The following TMEM132D variants were observed in gnomAD, a reference collection of about 807,000 sequenced individuals.
TMEM132D encodes the protein mature OL transmembrane protein.
A neutral mutation model predicts 62.3 loss-of-function variants in TMEM132D; 21 were observed. The ratio of observed to expected loss-of-function variants is 0.34; its 90% confidence interval spans 0.24 to 0.49. The LOEUF is 0.49. Ranked by LOEUF, TMEM132D falls within the 20% of genes least tolerant of loss-of-function variation. TMEM132D has a pLI of 0.99. For missense variants in TMEM132D, 1,346 were observed against 1,402.8 expected (o/e 0.96, Z 0.65); for synonymous variants, 621 against 575.6 (o/e 1.08, Z -1.13).
At chr12:129,227,293 G>A (rs530115436) in intron 4 of TMEM132D, among the ~76,000 whole-genome samples, 14 of 84,198 alleles carry the variant, frequency 1.7e-4, no homozygotes, top group East Asian at 5.5e-4. Context: ...TCTGTCCTGC[G>A]TTAGGAAATA....
chr12:129,086,192 ACGCG>A (rs72306602), intron 5 of TMEM132D, among the ~76,000 whole-genome samples: 4 of 130,186 alleles, frequency 3.1e-5, no homozygotes, highest in South Asian at 2.3e-4. Flanking sequence ...TCACATAGTC[ACGCG>A]CGCGCGTGTG....
intron 2 of TMEM132D, among the ~76,000 whole-genome samples, chr12:129,589,251 A>G (rs1280111112): frequency 1.3e-5 from 2 of 152,102 alleles, no homozygotes; most frequent in African/African-American, 2.4e-5. Flanking sequence ...TGATGGTTTT[A>G]TGAGGGGCTT....
At chr12:129,538,850 T>A (rs1224349274) in intron 2 of TMEM132D, among the ~76,000 whole-genome samples, 1 of 151,806 alleles carries the variant, frequency 6.6e-6, no homozygotes, top group Non-Finnish European at 1.5e-5. Flanking sequence ...GAAGGAGCGT[T>A]GGCTACTAGT....
chr12:129,169,970 T>C (rs1877674788), intron 5 of TMEM132D: 1 of 152,226 alleles, frequency 6.6e-6, no homozygotes, highest in Non-Finnish European at 1.5e-5. Flanking sequence ...ATGTTCTATT[T>C]CAACAAGATC....
intron 1 of TMEM132D, among the ~76,000 whole-genome samples, chr12:129,839,717 T>A (rs1566004144): frequency 6.6e-6 from 1 of 152,206 alleles, no homozygotes; most frequent in Non-Finnish European, 1.5e-5. Flanking sequence ...CTACAAACAC[T>A]GAACCAGTCC....
chr12:129,172,614 T>C (rs976825971), intron 5 of TMEM132D, among the ~76,000 whole-genome samples: 3 of 152,206 alleles, frequency 2.0e-5, no homozygotes, highest in Non-Finnish European at 4.4e-5. Flanking sequence ...GTTTCACTCT[T>C]GTTGCCCAGG....
At chr12:129,314,860 GTTAT>G (rs60812899) in intron 4 of TMEM132D, among the ~76,000 whole-genome samples, 117 of 151,862 alleles carry the variant, frequency 7.7e-4, no homozygotes, top group Non-Finnish European at 6.6e-4. Context: ...ATATTCCTAA[GTTAT>G]TTATTTATTT....
At chr12:129,414,399 C>T (rs1213588592) in intron 3 of TMEM132D, among the ~76,000 whole-genome samples, 2 of 152,132 alleles carry the variant, frequency 1.3e-5, no homozygotes, top group African/African-American at 4.8e-5. Flanking sequence ...TCACTCCTTC[C>T]TTTGCAACTA....
chr12:129,611,561 A>T (rs111238210), intron 2 of TMEM132D, among the ~76,000 whole-genome samples: 19 of 152,310 alleles, frequency 1.2e-4, no homozygotes, highest in African/African-American at 4.3e-4. Context: ...TTCACTTAGA[A>T]GTCCAATGGA....
At chr12:129,402,649 C>A (rs959698949) in intron 3 of TMEM132D, among the ~76,000 whole-genome samples, 7 of 152,226 alleles carry the variant, frequency 4.6e-5, no homozygotes, top group Admixed American at 3.3e-4. Flanking sequence ...GAGCTCACTG[C>A]AGCCTCAACC....
chr12:129,414,663 A>T (rs1485852083), intron 3 of TMEM132D, among the ~76,000 whole-genome samples: 1 of 152,200 alleles, frequency 6.6e-6, no homozygotes, highest in Non-Finnish European at 1.5e-5. Flanking sequence ...TGGTAAGAAC[A>T]CTTGAGATGT....
chr12:129,431,626 A>T (rs1043083573), intron 3 of TMEM132D, among the ~76,000 whole-genome samples: 1 of 152,154 alleles, frequency 6.6e-6, no homozygotes, highest in African/African-American at 2.4e-5. Context: ...CCGCCTGCTC[A>T]TGCTGCTTCT....
At chr12:129,716,217 C>G (rs1313942388) in intron 1 of TMEM132D, among the ~76,000 whole-genome samples, 1 of 152,086 alleles carries the variant, frequency 6.6e-6, no homozygotes, top group Non-Finnish European at 1.5e-5. Context: ...AGAGATGAAA[C>G]TTGGACAGAA....
intron 4 of TMEM132D, among the ~76,000 whole-genome samples, chr12:129,282,211 AC>A (rs1373164422): frequency 6.6e-6 from 1 of 152,098 alleles, no homozygotes; most frequent in Non-Finnish European, 1.5e-5. Flanking sequence ...ACTTGTCTCA[AC>A]CCTGGTCTGA....
chr12:129,884,919 T>C (rs1874702388), intron 1 of TMEM132D, among the ~76,000 whole-genome samples: 1 of 152,188 alleles, frequency 6.6e-6, no homozygotes, highest in South Asian at 2.1e-4. Flanking sequence ...GGTACAACCA[T>C]ACCATGGCAT....
At chr12:129,588,891 T>C (rs373989875) in intron 2 of TMEM132D, among the ~76,000 whole-genome samples, 1 of 152,056 alleles carries the variant, frequency 6.6e-6, no homozygotes, top group African/African-American at 2.4e-5. Context: ...AGCAACAAAA[T>C]TACTCATTGG....
At chr12:129,337,860 G>T in intron 3 of TMEM132D, 43 bp from the exon 4 acceptor site, 1 of 1,556,552 alleles carries the variant, frequency 6.4e-7, no homozygotes. Flanking sequence ...AGGGACTGAT[G>T]AGGTATGGCA....
chr12:129,526,927 T>C (rs1447656710), intron 3 of TMEM132D, among the ~76,000 whole-genome samples: 2 of 152,214 alleles, frequency 1.3e-5, no homozygotes, highest in Non-Finnish European at 2.9e-5. Context: ...AGAACTGCCA[T>C]TCCAGCTGTG....
intron 3 of TMEM132D, among the ~76,000 whole-genome samples, chr12:129,458,553 CA>C: frequency 6.6e-6 from 1 of 152,084 alleles, no homozygotes; most frequent in East Asian, 1.9e-4. Context: ...GATAATTACA[CA>C]GTGAGACTGT....
Sources: allele counts gnomAD v4.1 joint callset (sites outside exome capture counted in the v4.1 genomes callset), GRCh38; gene constraint gnomAD v4.1.1; transcripts MANE v1.5; gene names NCBI Gene and HGNC (gene_info 2026-07-23, HGNC 2026-07-21).